SLC26A7: variants seen among roughly 807,000 people sequenced by gnomAD.
SLC26A7 encodes the protein solute carrier family 26 member 7, also known as anion exchange transporter.
SLC26A7 carries 59 observed loss-of-function variants against 82.5 expected under a neutral mutation model. The observed-to-expected ratio is 0.72, with a 90% CI of 0.58 to 0.89. SLC26A7 has a LOEUF of 0.89. SLC26A7 is among the 40% of genes least tolerant of loss of function. The pLI is 0.00. For missense variants in SLC26A7, 820 were observed against 793.0 expected, an observed-to-expected ratio of 1.03 and a Z score of -0.41; for synonymous variants, 271 against 274.3, an observed-to-expected ratio of 0.99 and a Z score of 0.12.
chr8:91,275,762 G>A (rs923435492), intron 2 of SLC26A7, among the ~76,000 whole-genome samples: 2 of 152,166 alleles, frequency 1.3e-5, no homozygotes, highest in Non-Finnish European at 2.9e-5. Context: ...GGGTGTCCAA[G>A]CCACTTCCTC....
At chr8:91,378,106 A>G (rs1415215343) in intron 15 of SLC26A7, among the ~76,000 whole-genome samples, 2 of 152,116 alleles carry the variant, frequency 1.3e-5, no homozygotes, top group South Asian at 2.1e-4. Flanking sequence ...AGAATTTGGT[A>G]TTTGTTACTA....
intron 16 of SLC26A7, among the ~76,000 whole-genome samples, chr8:91,393,396 G>A (rs565404784): frequency 4.6e-5 from 7 of 152,222 alleles, no homozygotes; most frequent in South Asian, 2.1e-4. Context: ...TGTAGAGCCC[G>A]TGAATATATC....
At chr8:91,283,563 C>T (rs547733199) in intron 2 of SLC26A7, among the ~76,000 whole-genome samples, 12 of 152,240 alleles carry the variant, frequency 7.9e-5, no homozygotes, top group African/African-American at 2.6e-4. Flanking sequence ...GTATTTTCTC[C>T]AAATTCATAA....
intron 15 of SLC26A7, among the ~76,000 whole-genome samples, chr8:91,373,090 A>G (rs1814412380): frequency 6.6e-6 from 1 of 151,916 alleles, no homozygotes; most frequent in African/African-American, 2.4e-5. Context: ...CTGAAACTTT[A>G]CTGAGTCATT....
intron 1 of SLC26A7, among the ~76,000 whole-genome samples, chr8:91,209,806 C>T (rs1213589020): frequency 2.0e-5 from 3 of 152,078 alleles, no homozygotes; most frequent in South Asian, 2.1e-4. Flanking sequence ...AATGAGTAAG[C>T]CAAGAAGAGG....
rs1488057930 is a variant in SLC26A7, at chr8:91,338,168, G to T, written c.814G>T (p.Ala272Ser). ...CACACAGATTATTGCTGCATCATTT[G>T]CTTGTTATTGCACCAATATGGAAAA... is the stretch of plus-strand genomic sequence containing the variant. Reference protein sequence around the residue: ...DLVLIIAASFACYCTNMENTY... With the variant: ...DLVLIIAASFSCYCTNMENTY... Residue 272 changes from alanine (A) to serine (S), a missense_variant, in exon 7 of 19, where the codon GCT becomes TCT. Physicochemically the swap from Ala to Ser is moderately conservative, Grantham distance 99. Transcript: ENST00000276609. 1 of 1,609,848 alleles carries T rather than the reference G, an allele frequency of 6.2e-7. No individual in the cohort carries two copies. Among genetic ancestry groups the T allele is most frequent in the South Asian group, 1.1e-5 (1 of 90,280 alleles).
At chr8:91,376,292 C>T (rs1814514564) in intron 15 of SLC26A7, among the ~76,000 whole-genome samples, 1 of 152,166 alleles carries the variant, frequency 6.6e-6, no homozygotes, top group Non-Finnish European at 1.5e-5. Context: ...TCAAGACACT[C>T]TGTCTTTTTG....
chr8:91,309,506 A>G (rs138233556), intron 4 of SLC26A7, among the ~76,000 whole-genome samples: 1 of 151,822 alleles, frequency 6.6e-6, no homozygotes, highest in East Asian at 1.9e-4. Context: ...ATATAATAAT[A>G]TATTGCAATA....
intron 15 of SLC26A7, among the ~76,000 whole-genome samples, chr8:91,386,213 A>G (rs1563713332): frequency 1.3e-5 from 2 of 152,276 alleles, no homozygotes; most frequent in Admixed American, 1.3e-4. Flanking sequence ...AAATAAAACA[A>G]CTGCTAATAT....
intron 15 of SLC26A7, among the ~76,000 whole-genome samples, chr8:91,382,617 A>G (rs1185074663): frequency 1.3e-5 from 2 of 152,210 alleles, no homozygotes; most frequent in Non-Finnish European, 2.9e-5. Context: ...CTTCACCTAT[A>G]AAGTGGAATT....
Position 91,334,396 on chromosome 8 carries a change from T to G in SLC26A7, c.744T>G (p.Asn248Lys). Residue 248 changes from asparagine (N) to lysine (K), a missense_variant, in exon 6 of 19, where the codon AAT becomes AAG. Asn to Lys is a moderately conservative substitution (Grantham distance 94). Coordinates refer to ENST00000276609, the MANE Select transcript of SLC26A7 (RefSeq NM_052832.4). ...TCCTTGTTCTTGTTAAAGAGCTGAATGAACAGTTTAAAAGGAAAATTAAAG... is the reference window on the plus strand; with the variant it reads ...TCCTTGTTCTTGTTAAAGAGCTGAAGGAACAGTTTAAAAGGAAAATTAAAG... Reference protein sequence around the residue: ...IVVLVLVKELNEQFKRKIKVV... With the variant: ...IVVLVLVKELKEQFKRKIKVV... 6.2e-7 allele frequency: 1 copy of G among 1,613,426 alleles called. No individual in the cohort carries two copies. Among genetic ancestry groups the G allele is most frequent in the South Asian group, 1.1e-5 (1 of 91,048 alleles).
chr8:91,274,511 A>G (rs1217203637), intron 2 of SLC26A7, among the ~76,000 whole-genome samples: 1 of 152,250 alleles, frequency 6.6e-6, no homozygotes, highest in Non-Finnish European at 1.5e-5. Flanking sequence ...AAAGAGAGAT[A>G]GAGAGCACCA....
At chr8:91,394,273 G>T (rs750948083) in intron 18 of SLC26A7, 6 of 1,613,268 alleles carry the variant, frequency 3.7e-6, no homozygotes, top group Middle Eastern at 1.6e-4. Context: ...CCACCGCTCT[G>T]AGGATTGGGT....
At chr8:91,276,866 ACTGTTG>A (rs1034062377) in intron 2 of SLC26A7, among the ~76,000 whole-genome samples, 3 of 152,190 alleles carry the variant, frequency 2.0e-5, no homozygotes, top group African/African-American at 7.2e-5. Context: ...ACCAGAAACC[ACTGTTG>A]CTGTCACTTT....
At chr8:91,367,015 T>A (rs899074073) in intron 14 of SLC26A7, among the ~76,000 whole-genome samples, 9 of 151,956 alleles carry the variant, frequency 5.9e-5, no homozygotes, top group Non-Finnish European at 1.2e-4. Context: ...CCAAAGGATT[T>A]TTTTTTTTTT....
chr8:91,334,762 G>A (rs1048014567), intron 6 of SLC26A7, among the ~76,000 whole-genome samples: 30 of 152,240 alleles, frequency 2.0e-4, no homozygotes, highest in Admixed American at 1.5e-3. Flanking sequence ...GGCTCAAAAT[G>A]TCTCTGGCAT....
At chr8:91,356,538 T>C (rs538464501) in intron 11 of SLC26A7, among the ~76,000 whole-genome samples, 13 of 152,250 alleles carry the variant, frequency 8.5e-5, no homozygotes, top group Non-Finnish European at 1.3e-4. Context: ...TTTTGAGAAA[T>C]GTCTGTTCAT....
chr8:91,337,597 G>A (rs1001969084), intron 6 of SLC26A7, among the ~76,000 whole-genome samples: 5 of 152,110 alleles, frequency 3.3e-5, no homozygotes, highest in Non-Finnish European at 7.4e-5. Context: ...CATTTTAAAA[G>A]CATTGAGCCC....
intron 4 of SLC26A7, among the ~76,000 whole-genome samples, chr8:91,316,414 C>T (rs1358198778): frequency 7.0e-6 from 1 of 143,304 alleles, no homozygotes; most frequent in Non-Finnish European, 1.5e-5. Context: ...TTCTGAGTAC[C>T]TGGGACTACA....
Sources: gnomAD v4.1 joint callset for allele counts (sites outside exome capture counted in the v4.1 genomes callset) on GRCh38, gnomAD v4.1.1 for gene constraint, MANE v1.5 for transcripts, NCBI Gene and HGNC (gene_info 2026-07-23, HGNC 2026-07-21) for gene names.